GRIK2: variants seen among roughly 807,000 people sequenced by gnomAD.
GRIK2 encodes the protein glutamate ionotropic receptor kainate type subunit 2, also known as glutamate receptor ionotropic, kainate 2.
A neutral mutation model predicts 100.3 loss-of-function variants in GRIK2; 32 were observed. The ratio of observed to expected loss-of-function variants is 0.32; its 90% CI spans 0.24 to 0.43. The LOEUF (loss-of-function observed/expected upper bound fraction) is 0.43. Ranked by LOEUF, GRIK2 falls within the 20% of genes least tolerant of loss-of-function variation. The pLI is 1.00. For missense variants in GRIK2, 843 were observed against 1,114.9 expected (o/e 0.76, Z 3.47); for synonymous variants, 417 against 389.4 (o/e 1.07, Z -0.83).
intron 7 of GRIK2, among the ~76,000 whole-genome samples, chr6:101,694,907 C>A (rs1210716667): frequency 6.6e-6 from 1 of 151,020 alleles, no homozygotes; most frequent in African/African-American, 2.4e-5. Context: ...AATACCTTGG[C>A]CTCATCCCAG....
chr6:101,537,450 G>GTGCA (rs1306407288), intron 2 of GRIK2, among the ~76,000 whole-genome samples: 11 of 34,602 alleles, frequency 3.2e-4, no homozygotes, highest in Non-Finnish European at 4.2e-4. Context: ...GTTTGTGTGT[G>GTGCA]TGTGCGTGTG....
chr6:102,005,989 T>C (rs532780992), intron 14 of GRIK2, among the ~76,000 whole-genome samples: 2 of 152,124 alleles, frequency 1.3e-5, no homozygotes, highest in East Asian at 1.9e-4. Context: ...CTTATAAAGA[T>C]TCAAGCTTAG....
intron 7 of GRIK2, among the ~76,000 whole-genome samples, chr6:101,707,572 GTGTA>G (rs1303423322): frequency 7.3e-4 from 33 of 44,968 alleles, no homozygotes; most frequent in African/African-American, 2.2e-3. Context: ...ATGTATATAT[GTGTA>G]TGTGTGTGTG....
At chr6:102,002,169 T>C (rs1296034858) in intron 14 of GRIK2, among the ~76,000 whole-genome samples, 1 of 150,652 alleles carries the variant, frequency 6.6e-6, no homozygotes, top group Admixed American at 6.7e-5. Context: ...CTATTGATAT[T>C]TGATTATTAC....
chr6:101,846,283 T>C (rs1200846687), intron 10 of GRIK2, among the ~76,000 whole-genome samples: 1 of 152,158 alleles, frequency 6.6e-6, no homozygotes, highest in Non-Finnish European at 1.5e-5. Flanking sequence ...GAGAGTTTTA[T>C]AGTTTTATCT....
At chr6:101,426,159 C>A (rs1282287578) in intron 2 of GRIK2, among the ~76,000 whole-genome samples, 1 of 152,168 alleles carries the variant, frequency 6.6e-6, no homozygotes, top group Non-Finnish European at 1.5e-5. Context: ...AGACACAGTA[C>A]AACACTGTGC....
intron 2 of GRIK2, among the ~76,000 whole-genome samples, chr6:101,565,915 T>TTATATATATATATATATA (rs71797313): frequency 6.5e-5 from 8 of 123,304 alleles, no homozygotes; most frequent in African/African-American, 1.7e-4. Flanking sequence ...TATACCTATT[T>TTATATATATATATATATA]TATATATATA....
intron 2 of GRIK2, among the ~76,000 whole-genome samples, chr6:101,442,957 A>T (rs572236738): frequency 1.3e-5 from 2 of 151,998 alleles, no homozygotes; most frequent in Non-Finnish European, 2.9e-5. Context: ...TTCCAGTTTT[A>T]CTCTTTCTTT....
At chr6:101,653,667 G>T (rs1338590578) in intron 4 of GRIK2, among the ~76,000 whole-genome samples, 1 of 151,364 alleles carries the variant, frequency 6.6e-6, no homozygotes, top group Non-Finnish European at 1.5e-5. Context: ...TTGTTGCCCA[G>T]GCTGGAGTAC....
At chr6:101,712,060 ATGAT>A (rs1773755008) in intron 7 of GRIK2, among the ~76,000 whole-genome samples, 1 of 151,836 alleles carries the variant, frequency 6.6e-6, no homozygotes, top group African/African-American at 2.4e-5. Flanking sequence ...CTTACCCCAA[ATGAT>A]TGAGTAAATT....
intron 7 of GRIK2, among the ~76,000 whole-genome samples, chr6:101,689,731 C>CT (rs1771954680): frequency 6.6e-6 from 1 of 152,036 alleles, no homozygotes; most frequent in African/African-American, 2.4e-5. Context: ...TGAGGGTTTT[C>CT]TTTTAACATA....
intron 2 of GRIK2, among the ~76,000 whole-genome samples, chr6:101,591,530 A>G (rs1275286792): frequency 6.6e-6 from 1 of 151,834 alleles, no homozygotes; most frequent in Non-Finnish European, 1.5e-5. Context: ...TTTTTCTCTC[A>G]TTTTCTTCTC....
rs1375030227 is a variant in GRIK2 at position 101,817,917 on chromosome 6, C to A, written c.1204-453C>A. On this transcript the variant is annotated intron_variant, in intron 9 of 16. Transcript: ENST00000369134. ...TAGTGCAAAATACTATTCAATGCTT[C>A]CCTTAAGCCTACCTTTACCTATTAA... Among the ~76,000 whole-genome samples the A allele has an allele frequency of 2.6e-5, 4 of 152,152 alleles. No individual in the cohort carries two copies. The East Asian group carries it at 7.7e-4, about 29-fold the overall frequency.
chr6:101,833,509 G>A (rs1782841255), intron 10 of GRIK2, among the ~76,000 whole-genome samples: 1 of 151,922 alleles, frequency 6.6e-6, no homozygotes. Flanking sequence ...GCCTGTTCTT[G>A]TTTTAACAGC....
chr6:101,740,646 G>T (rs1227464395), intron 7 of GRIK2, among the ~76,000 whole-genome samples: 1 of 152,132 alleles, frequency 6.6e-6, no homozygotes, highest in African/African-American at 2.4e-5. Flanking sequence ...AAGAAAAGAG[G>T]CTTCTTTGGT....
In GRIK2 at chr6:101,684,719, A is replaced by ATT. The variant is rs11418216; in HGVS notation, c.778-1446_778-1445dup. On this transcript the variant is annotated intron_variant, in intron 6 of 16. Transcript: ENST00000369134. ...GACTCAAAGAAATGGGAAAATCTGGATTTTTTTTTTTTTTTTGCTTTGGTT... is the reference window on the plus strand; with the variant it reads ...GACTCAAAGAAATGGGAAAATCTGGATTTTTTTTTTTTTTTTTTGCTTTGGTT... 2.9e-3 allele frequency among the ~76,000 whole-genome samples: 408 copies of ATT among 138,906 alleles called. 1 individual carries two copies. Among genetic ancestry groups the ATT allele is most frequent in the East Asian group, 0.012 (55 of 4,686 alleles). The allele number at this position is 138,906 out of a possible 152,430, so 91.1% of individuals were successfully genotyped here.
At chr6:101,421,454 C>T (rs1032547682) in intron 2 of GRIK2, among the ~76,000 whole-genome samples, 1 of 152,102 alleles carries the variant, frequency 6.6e-6, no homozygotes, top group African/African-American at 2.4e-5. Flanking sequence ...TCTGCGTCTC[C>T]CCAAGCCTGA....
chr6:101,929,482 T>TAA (rs75539570), intron 14 of GRIK2, among the ~76,000 whole-genome samples: 17 of 139,858 alleles, frequency 1.2e-4, no homozygotes, highest in African/African-American at 4.6e-4. Context: ...TATTTTTTTT[T>TAA]AAAAAAATGA....
intron 14 of GRIK2, among the ~76,000 whole-genome samples, chr6:102,024,484 T>C (rs1769589287): frequency 2.0e-5 from 3 of 151,326 alleles, no homozygotes; most frequent in Admixed American, 1.3e-4. Flanking sequence ...GAAGCAAACA[T>C]CTGTATCCAG....
Sources: gnomAD v4.1 joint callset for allele counts (sites outside exome capture counted in the v4.1 genomes callset) on GRCh38, gnomAD v4.1.1 for gene constraint, MANE v1.5 for transcripts, NCBI Gene and HGNC (gene_info 2026-07-23, HGNC 2026-07-21) for gene names.